The following GPM6B variants were observed in gnomAD, a reference collection of about 807,000 sequenced individuals.
GPM6B encodes the protein glycoprotein M6B, also known as neuronal membrane glycoprotein M6-b.
Under a neutral mutation model 27.2 loss-of-function variants are expected in GPM6B, and 4 were observed. That is an observed-to-expected ratio of 0.15 (90% CI 0.07 to 0.34). The LOEUF (loss-of-function observed/expected upper bound fraction) is 0.34. Ranked by LOEUF, GPM6B falls within the 10% of genes least tolerant of loss-of-function variation. The probability of loss-of-function intolerance (pLI) is 1.00; values close to 1 mark genes in which losing one functional copy is unlikely to be tolerated. For synonymous variants in GPM6B, 124 were observed against 103.1 expected (o/e 1.20, Z -1.23); for missense variants, 183 against 261.9 (o/e 0.70, Z 2.08).
At chrX:13,916,337 A>G (rs773865582) in intron 1 of GPM6B, among the ~76,000 whole-genome samples, 2 of 112,238 alleles carry the variant, frequency 1.8e-5, no homozygotes, top group Non-Finnish European at 3.8e-5. Context: ...GAAAAAACCA[A>G]CACAGAATTG....
chrX:13,920,282 A>AG (rs1430806811), intron 1 of GPM6B, among the ~76,000 whole-genome samples: 3 of 82,874 alleles, frequency 3.6e-5, no homozygotes, highest in African/African-American at 1.2e-4. Context: ...AAAAAAAAAA[A>AG]AAAAAAGAAA....
chrX:13,844,818 G>C (rs891748884), intron 1 of GPM6B, among the ~76,000 whole-genome samples: 47 of 111,631 alleles, frequency 4.2e-4, no homozygotes, highest in African/African-American at 1.5e-3. Flanking sequence ...TAGAGTTCTT[G>C]AACCACTGAC....
At chrX:13,931,498 G>A (rs1257004843) in intron 1 of GPM6B, among the ~76,000 whole-genome samples, 6 of 107,771 alleles carry the variant, frequency 5.6e-5, no homozygotes, top group Non-Finnish European at 9.6e-5. Context: ...AAAAAAAAAA[G>A]AAAAAAGAAA....
intron 1 of GPM6B, among the ~76,000 whole-genome samples, chrX:13,897,871 G>T (rs1569293400): frequency 8.9e-6 from 1 of 111,946 alleles, no homozygotes; most frequent in Non-Finnish European, 1.9e-5. Context: ...AACCAGCAGG[G>T]TCTCCTTTGC....
chrX:13,938,302 C>CA (rs1921947600), intron 1 of GPM6B: 2 of 273,211 alleles, frequency 7.3e-6, no homozygotes, highest in East Asian at 1.0e-4. Context: ...CCACCCCCCC[C>CA]ACAGGATACA....
chrX:13,821,170 T>C (rs191968787), upstream of GPM6B, among the ~76,000 whole-genome samples: 47 of 111,717 alleles, frequency 4.2e-4, no homozygotes, highest in South Asian at 1.5e-3. Context: ...GAAGGCTGAA[T>C]GATGGGGAAG....
chrX:13,920,298 A>G lies in GPM6B; in HGVS notation c.-198+18029T>C, dbSNP rs750212786. Reference sequence around the variant, plus strand: ...AAAAAAAAAAAAAAAAGAAAGAAAGAAAGAAAAAAAAAGAAAGAAAAATAG... The same window carrying G: ...AAAAAAAAAAAAAAAAGAAAGAAAGGAAGAAAAAAAAAGAAAGAAAAATAG... On this transcript the variant is annotated intron_variant, in intron 1 of 6. Transcript: ENST00000398361. Among the ~76,000 whole-genome samples the G allele has an allele frequency of 3.4e-5, 3 of 87,717 alleles. No homozygotes were observed. In the South Asian group the frequency reaches 1.5e-3, roughly 44 times the overall value. The allele number at this position is 87,717 out of a possible 115,157, so 76.2% of individuals were successfully genotyped here. A position where few individuals can be genotyped will look rare whatever the true frequency, so the allele number is the denominator to read the frequency against.
chrX:13,874,293 A>G (rs1340131786), intron 1 of GPM6B, among the ~76,000 whole-genome samples: 1 of 111,934 alleles, frequency 8.9e-6, no homozygotes, highest in Non-Finnish European at 1.9e-5. Flanking sequence ...TAACACAGCA[A>G]ATGGCATATT....
At chrX:13,836,897 T>C (rs1216994477) in intron 1 of GPM6B, among the ~76,000 whole-genome samples, 1 of 111,555 alleles carries the variant, frequency 9.0e-6, no homozygotes, top group East Asian at 2.8e-4. Context: ...AGCTAAGGAG[T>C]GCTCACGAGG....
rs953715935 is a variant in GPM6B at position 13,926,451 on chromosome X, C to G, written c.-198+11876G>C. 4.7e-5 allele frequency among the ~76,000 whole-genome samples: 5 copies of G among 105,348 alleles called. No individual in the cohort carries two copies. The East Asian group carries it at 1.5e-3, about 31-fold the overall frequency. The allele number at this position is 105,348 out of a possible 115,157, so 91.5% of individuals were successfully genotyped here. On this transcript the variant is annotated intron_variant, in intron 1 of 6. Coordinates refer to the GPM6B transcript ENST00000398361. ...AAAAAAAAAAAACACACAAAAAAAGCAGAGGATCAAGAATAGGTCACTTTT... is the reference window on the plus strand; with the variant it reads ...AAAAAAAAAAAACACACAAAAAAAGGAGAGGATCAAGAATAGGTCACTTTT...
At chrX:13,795,540 A>AG (rs939804997) in intron 2 of GPM6B, among the ~76,000 whole-genome samples, 2 of 111,904 alleles carry the variant, frequency 1.8e-5, no homozygotes, top group Non-Finnish European at 3.8e-5. Flanking sequence ...GTAAGAGTCC[A>AG]GCTGTCTACT....
intron 2 of GPM6B, among the ~76,000 whole-genome samples, chrX:13,803,860 C>A (rs931897901): frequency 1.3e-4 from 15 of 111,807 alleles, no homozygotes; most frequent in Non-Finnish European, 2.8e-4. Flanking sequence ...TCAAACCAGC[C>A]AGGACTCAAC....
At chrX:13,835,360 G>A (rs1260901341) in intron 1 of GPM6B, among the ~76,000 whole-genome samples, 1 of 112,323 alleles carries the variant, frequency 8.9e-6, no homozygotes, top group Non-Finnish European at 1.9e-5. Flanking sequence ...AAGGGGCAGA[G>A]GATGTGTGGC....
intron 1 of GPM6B, among the ~76,000 whole-genome samples, chrX:13,935,359 T>G (rs1323191899): frequency 1.0e-4 from 7 of 69,660 alleles, no homozygotes. Flanking sequence ...AAAAAAAAAC[T>G]GTAAAGCTTA....
chrX:13,845,448 A>G (rs2049634088), intron 1 of GPM6B, among the ~76,000 whole-genome samples: 1 of 112,409 alleles, frequency 8.9e-6, no homozygotes, highest in Non-Finnish European at 1.9e-5. Flanking sequence ...AACCTCTTCC[A>G]AAAACAAAAT....
At chrX:13,852,130 T>A (rs954944372) in intron 1 of GPM6B, among the ~76,000 whole-genome samples, 3 of 110,472 alleles carry the variant, frequency 2.7e-5, no homozygotes, top group Non-Finnish European at 5.7e-5. Flanking sequence ...ATATTTTAGG[T>A]TTTGTGGGCC....
chrX:13,859,721 G>A (rs140390913), intron 1 of GPM6B, among the ~76,000 whole-genome samples: 127 of 111,190 alleles, frequency 1.1e-3, no homozygotes, highest in African/African-American at 3.8e-3. Context: ...GGAGGAGTCC[G>A]GATTTGAACC....
chrX:13,804,589 T>C lies in GPM6B; in HGVS notation c.181+3061A>G, dbSNP rs191953364. ...AAGATGGAATTCTACTGGGAAGTAG[T>C]AGCAAGAAAAAGAAAACCATGAAAA... On this transcript the variant is annotated intron_variant, in intron 2 of 7. Coordinates refer to ENST00000316715, the MANE Select transcript of GPM6B (RefSeq NM_001001995.3). Among the ~76,000 whole-genome samples, 542 of 110,263 alleles carry C rather than the reference T, an allele frequency of 4.9e-3. 1 individual carries two copies. Among genetic ancestry groups the C allele is most frequent in the South Asian group, 7.8e-3 (20 of 2,557 alleles).
chrX:13,806,863 T>C (rs2049031776), intron 2 of GPM6B, among the ~76,000 whole-genome samples: 1 of 112,255 alleles, frequency 8.9e-6, no homozygotes, highest in African/African-American at 3.2e-5. Flanking sequence ...GCATTTTATG[T>C]AGTTTGAACT....
Sources: allele counts gnomAD v4.1 joint callset (sites outside exome capture counted in the v4.1 genomes callset), GRCh38; gene constraint gnomAD v4.1.1; transcripts MANE v1.5; gene names NCBI Gene and HGNC (gene_info 2026-07-23, HGNC 2026-07-21).